Variants in PLEKHA6 observed in about 807,000 individuals in gnomAD.
PLEKHA6 encodes pleckstrin homology domain containing A6, also known as pleckstrin homology domain-containing family A member 6.
A neutral mutation model predicts 116.7 loss-of-function variants in PLEKHA6; 60 were observed. That is an observed-to-expected ratio of 0.51 (90% CI 0.42 to 0.64). The LOEUF is 0.64. PLEKHA6 is among the 30% of genes least tolerant of loss of function. PLEKHA6 has a pLI of 0.00. For synonymous variants in PLEKHA6, 489 were observed against 556.1 expected (o/e 0.88, Z 1.70); for missense variants, 1,338 against 1,422.7 (o/e 0.94, Z 0.96).
At chr1:204,231,961 G>A (rs892594707) in intron 17 of PLEKHA6, among the ~76,000 whole-genome samples, 1 of 152,120 alleles carries the variant, frequency 6.6e-6, no homozygotes, top group Non-Finnish European at 1.5e-5. Flanking sequence ...ATCCATGGAT[G>A]CGGAACCCGG....
intron 1 of PLEKHA6, among the ~76,000 whole-genome samples, chr1:204,342,304 C>T (rs1195742696): frequency 6.6e-6 from 1 of 152,180 alleles, no homozygotes; most frequent in Non-Finnish European, 1.5e-5. Flanking sequence ...GAGTTCAAGA[C>T]CAGCCTGGGC....
rs976697156 is a variant in PLEKHA6 at position 204,346,936 on chromosome 1, C to T, written c.-95+12758G>A. 8.4e-6 allele frequency: 10 copies of T among 1,196,962 alleles called. No individual in the cohort carries two copies. The East Asian group carries it at 1.4e-4, about 17-fold the overall frequency. 74.1% of individuals were successfully genotyped at this position (1,196,962 alleles called of 1,614,324 possible). On this transcript the variant is annotated intron_variant, in intron 1 of 22. Coordinates refer to ENST00000272203, the MANE Select transcript of PLEKHA6 (RefSeq NM_014935.5). ...CTTTTTCTGATCATTTTCCTTCACA[C>T]GTTTCAGGAAGCTATCTCGGCTCTT...
chr1:204,351,606 A>G (rs1185771716), intron 1 of PLEKHA6, among the ~76,000 whole-genome samples: 1 of 151,726 alleles, frequency 6.6e-6, no homozygotes, highest in Non-Finnish European at 1.5e-5. Context: ...TGTGCCTAGC[A>G]TGTTGTAGGT....
At chr1:204,335,704 A>C (rs1274068632) in intron 1 of PLEKHA6, among the ~76,000 whole-genome samples, 1 of 152,028 alleles carries the variant, frequency 6.6e-6, no homozygotes, top group Non-Finnish European at 1.5e-5. Flanking sequence ...GAGTCATGTC[A>C]TTCCCTCCCC....
At chr1:204,353,561 CG>C (rs1673339135) in intron 1 of PLEKHA6, among the ~76,000 whole-genome samples, 1 of 152,132 alleles carries the variant, frequency 6.6e-6, no homozygotes, top group South Asian at 2.1e-4. Context: ...CCAGGGCCAC[CG>C]GGAGCATATG....
intron 1 of PLEKHA6, among the ~76,000 whole-genome samples, chr1:204,350,073 G>A (rs188102434): frequency 1.3e-5 from 2 of 152,296 alleles, no homozygotes; most frequent in Admixed American, 1.3e-4. Context: ...TGTAATCCCA[G>A]CACTTTGGGA....
rs1371794605 is a variant in PLEKHA6 at position 204,267,535 on chromosome 1, C to T, written c.220G>A (p.Val74Ile). Residue 74 changes from valine to isoleucine, a missense_variant, in exon 5 of 23, where the codon GTT (valine) becomes ATT (isoleucine). This residue lies in a region of PLEKHA6 where 140 missense variants were observed against 197.4 expected (regional missense o/e 0.71). Transcript: ENST00000272203. ...GWLFKQASSGVKQWNKRWFVL... is the reference protein window; with the variant it reads ...GWLFKQASSGIKQWNKRWFVL... ...AACCAGCGCTTGTTCCACTGCTTAACCCCGGAGCTGGCCTGCGGGACATGG... is the reference window on the plus strand; with the variant it reads ...AACCAGCGCTTGTTCCACTGCTTAATCCCGGAGCTGGCCTGCGGGACATGG... 2 of 1,614,044 alleles carry T rather than the reference C, an allele frequency of 1.2e-6. No homozygotes were observed. Among genetic ancestry groups the T allele is most frequent in the East Asian group, 4.5e-5 (2 of 44,880 alleles).
chr1:204,250,476 G>A, intron 10 of PLEKHA6, 70 bp downstream of exon 10: 1 of 1,045,266 alleles, frequency 9.6e-7, no homozygotes, highest in Non-Finnish European at 1.5e-6. Flanking sequence ...TGGATGGAGA[G>A]ACAGCCCCCC....
intron 1 of PLEKHA6, among the ~76,000 whole-genome samples, chr1:204,356,104 AAATGCAACCT>A (rs1295068391): frequency 6.6e-6 from 1 of 152,228 alleles, no homozygotes; most frequent in East Asian, 1.9e-4. Flanking sequence ...TCACTTCTAG[AAATGCAACCT>A]AAGGGAAAAA....
Position 204,257,561 on chromosome 1 carries a change from G to A in PLEKHA6, c.1316C>T (p.Ala439Val), listed in dbSNP as rs765696609. The A allele has an allele frequency of 4.4e-6, 7 of 1,600,810 alleles. No individual in the cohort carries two copies. Among genetic ancestry groups the A allele is most frequent in the South Asian group, 3.4e-5 (3 of 89,266 alleles). The change falls in exon 9 of 23, where the codon GCC (alanine) becomes GTC (valine). Residue 439 changes from alanine (A) to valine (V), a missense_variant. By Grantham distance (64) the Ala-to-Val change is moderately conservative. Around this residue, in one of 3 missense-constraint regions of PLEKHA6, gnomAD observed 1,136 missense variants for 1,163.6 expected, o/e 0.98. Coordinates refer to ENST00000272203, the MANE Select transcript of PLEKHA6 (RefSeq NM_014935.5). This position sits in a 1 kb window ranked among gnomAD's most constrained non-coding sequence, Gnocchi z 6.5. Reference sequence around the variant, plus strand: ...CAGGCGGCGCAGGGAGCTAGAGGCGGCATCCAGCTCATCATAATAGACTGG... The same window carrying A: ...CAGGCGGCGCAGGGAGCTAGAGGCGACATCCAGCTCATCATAATAGACTGG... ...RQPVYYDELD[A>V]ASSSLRRLSL...
chr1:204,367,443 G>A lies in PLEKHA6; in HGVS notation c.218+356C>T, dbSNP rs75886264. On this transcript the variant is annotated intron_variant, in intron 3 of 4. Transcript: ENST00000564627. ...TCCCACTGCCTCCACATCCTGCCCC[G>A]CGGCTGCGTCTCCTGCCTCTGAACC... 4.3e-3 allele frequency among the ~76,000 whole-genome samples: 649 copies of A among 152,142 alleles called. 2 individuals carry two copies. Among genetic ancestry groups the A allele is most frequent in the African/African-American group, 0.015 (613 of 41,486 alleles).
chr1:204,375,688 G>A (rs1673856789), intron 1 of PLEKHA6, among the ~76,000 whole-genome samples: 1 of 152,066 alleles, frequency 6.6e-6, no homozygotes, highest in Admixed American at 6.5e-5. Context: ...TCAAGTCCCA[G>A]TTTGAAATCT....
intron 3 of PLEKHA6, among the ~76,000 whole-genome samples, chr1:204,271,772 A>T (rs1428848732): frequency 6.6e-6 from 1 of 152,072 alleles, no homozygotes. Flanking sequence ...AACCACACAA[A>T]CCTGCAGATT....
At chr1:204,320,545 T>G in intron 1 of PLEKHA6, 2 of 921,636 alleles carry the variant, frequency 2.2e-6, no homozygotes, top group Non-Finnish European at 2.6e-6. Flanking sequence ...CAACTTGGCT[T>G]CTCTCTGGAA....
intron 1 of PLEKHA6, chr1:204,301,064 A>G (rs1047591933): frequency 6.2e-6 from 1 of 161,164 alleles, no homozygotes; most frequent in African/African-American, 2.4e-5. Flanking sequence ...GGATATTAAT[A>G]TGTTTGATTA....
chr1:204,346,135 T>G (rs1189604931), intron 1 of PLEKHA6, among the ~76,000 whole-genome samples: 2 of 152,148 alleles, frequency 1.3e-5, no homozygotes, highest in African/African-American at 2.4e-5. Context: ...AGCCCCCTCC[T>G]CAATCACAAG....
intron 3 of PLEKHA6, among the ~76,000 whole-genome samples, chr1:204,272,611 C>G (rs1219747487): frequency 6.6e-6 from 1 of 152,150 alleles, no homozygotes; most frequent in African/African-American, 2.4e-5. Flanking sequence ...GCTAAAACTC[C>G]CTCAAGCCCC....
intron 1 of PLEKHA6, among the ~76,000 whole-genome samples, chr1:204,314,335 C>T (rs1671771598): frequency 6.6e-6 from 1 of 152,196 alleles, no homozygotes; most frequent in African/African-American, 2.4e-5. Context: ...TTCCACTTCC[C>T]CTGTGAGCCC....
At position 204,359,739 on chromosome 1, in the gene PLEKHA6, G is replaced by C; in HGVS notation, c.-140C>G. The C allele has an allele frequency of 2.1e-6, 2 of 969,474 alleles. No homozygotes were observed. Among genetic ancestry groups the C allele is most frequent in the Non-Finnish European group, 2.5e-6 (2 of 815,394 alleles). 60.1% of individuals were successfully genotyped at this position (969,474 alleles called of 1,614,324 possible). A position where few individuals can be genotyped will look rare whatever the true frequency, so the allele number is the denominator to read the frequency against. On this transcript the variant is annotated 5_prime_UTR_variant, in exon 1 of 23. Transcript: ENST00000272203. ...CCGCGCTGGAAAGCTCTAACTCTGC[G>C]AGCCCCAAGGCACCCCTCCCCCCAG...
Sources: allele counts gnomAD v4.1 joint callset (sites outside exome capture counted in the v4.1 genomes callset), GRCh38; gene constraint gnomAD v4.1.1; regional missense constraint gnomAD v4.1.1; non-coding constraint Gnocchi (gnomAD v3.1); transcripts MANE v1.5; gene names NCBI Gene and HGNC (gene_info 2026-07-23, HGNC 2026-07-21).